Variants in VOPP1 observed in about 807,000 individuals in gnomAD.
VOPP1 encodes WW domain binding protein VOPP1.
Under a neutral mutation model 23.5 loss-of-function variants are expected in VOPP1, and 8 were observed. That is an observed-to-expected ratio of 0.34 (90% CI 0.20 to 0.61). The LOEUF (loss-of-function observed/expected upper bound fraction) is 0.61, where lower values mean the gene tolerates loss of function less well. VOPP1 is among the 20% of genes least tolerant of loss of function. The pLI is 0.78. For missense variants in VOPP1, 174 were observed against 238.1 expected (o/e 0.73, Z 1.77); for synonymous variants, 83 against 97.3 (o/e 0.85, Z 0.86).
chr7:55,528,385 C>A (rs564740498), intron 1 of VOPP1, among the ~76,000 whole-genome samples: 3 of 152,168 alleles, frequency 2.0e-5, no homozygotes, highest in Non-Finnish European at 4.4e-5. Context: ...TGTATGGAAC[C>A]TGTACATTTT....
chr7:55,572,105 G>A (rs918375216), intron 1 of VOPP1, among the ~76,000 whole-genome samples, 166 bp downstream of exon 1: 1 of 151,510 alleles, frequency 6.6e-6, no homozygotes. Flanking sequence ...CGTCACCAGG[G>A]TCCCGCACCT....
intron 1 of VOPP1, among the ~76,000 whole-genome samples, chr7:55,558,899 AAAG>A (rs1441154292): frequency 3.3e-5 from 5 of 152,330 alleles, no homozygotes; most frequent in African/African-American, 9.6e-5. Context: ...GCTAAAAACC[AAAG>A]AAGAAAGCAA....
chr7:55,555,161 G>C (rs1445444782), intron 1 of VOPP1, among the ~76,000 whole-genome samples: 1 of 152,192 alleles, frequency 6.6e-6, no homozygotes. Context: ...TCTGCCTGTA[G>C]AACTTGGAGA....
At chr7:55,444,115 C>T (rs1422209269) in intron 4 of VOPP1, among the ~76,000 whole-genome samples, 3 of 152,138 alleles carry the variant, frequency 2.0e-5, no homozygotes, top group African/African-American at 7.2e-5. Context: ...TAAGTGACAG[C>T]TGCCGTACCC....
At chr7:55,530,216 T>A (rs1796422421) in intron 1 of VOPP1, among the ~76,000 whole-genome samples, 1 of 152,136 alleles carries the variant, frequency 6.6e-6, no homozygotes, top group African/African-American at 2.4e-5. Context: ...CCATCAACAA[T>A]GTAAGAGGGC....
intron 4 of VOPP1, among the ~76,000 whole-genome samples, chr7:55,440,767 A>G (rs1430793479): frequency 6.6e-6 from 1 of 152,144 alleles, no homozygotes; most frequent in Non-Finnish European, 1.5e-5. Flanking sequence ...GCTGGGTTCG[A>G]GGACCAGAGA....
At chr7:55,559,052 A>G (rs1181737454) in intron 1 of VOPP1, among the ~76,000 whole-genome samples, 2 of 152,184 alleles carry the variant, frequency 1.3e-5, no homozygotes, top group African/African-American at 2.4e-5. Flanking sequence ...GCTATATATA[A>G]GTCACTAAGT....
chr7:55,482,088 A>G (rs1399091131), intron 4 of VOPP1, among the ~76,000 whole-genome samples: 1 of 152,096 alleles, frequency 6.6e-6, no homozygotes, highest in East Asian at 1.9e-4. Flanking sequence ...TTGTATCTTC[A>G]CCTTTTATAA....
At chr7:55,439,209 C>T (rs1790904492) in intron 4 of VOPP1, among the ~76,000 whole-genome samples, 2 of 152,010 alleles carry the variant, frequency 1.3e-5, no homozygotes, top group African/African-American at 4.8e-5. Flanking sequence ...GGAAGGGAGC[C>T]AGGACACAGC....
In VOPP1 at chr7:55,462,658, T is replaced by A. The variant is rs888564444; in HGVS notation, n.418-26484A>T. Among the ~76,000 whole-genome samples, 463 of 147,274 alleles carry A rather than the reference T, an allele frequency of 3.1e-3. 2 individuals are homozygous for A. The highest frequency in any genetic ancestry group is 0.015 in the South Asian group (72 of 4,666). ...TATTGTTGAAACTCTTGATTATATT[T>A]TTTTTTTTTTTTTTTGAGACGGAGT... On this transcript the variant is annotated intron_variant and non_coding_transcript_variant, in intron 4 of 4. Coordinates refer to the VOPP1 transcript ENST00000462326.
chr7:55,534,690 G>GC (rs1316677078), intron 1 of VOPP1, among the ~76,000 whole-genome samples: 2 of 152,178 alleles, frequency 1.3e-5, no homozygotes, highest in East Asian at 3.9e-4. Flanking sequence ...GCCATGCAGG[G>GC]CCCACTCTGA....
At chr7:55,443,766 T>C (rs1791027528) in intron 4 of VOPP1, among the ~76,000 whole-genome samples, 1 of 148,538 alleles carries the variant, frequency 6.7e-6, no homozygotes, top group Non-Finnish European at 1.5e-5. Context: ...TCCCTCAGCC[T>C]CCTGAGTAGC....
chr7:55,451,620 G>A (rs538920712), intron 4 of VOPP1, among the ~76,000 whole-genome samples: 9 of 152,190 alleles, frequency 5.9e-5, no homozygotes, highest in Middle Eastern at 3.4e-3. Context: ...TGAAACCCCC[G>A]TCTCTACTAA....
At chr7:55,436,617 AGTGTGTGTGTGTGC>A (rs1474459528) in intron 4 of VOPP1, among the ~76,000 whole-genome samples, 2 of 146,434 alleles carry the variant, frequency 1.4e-5, no homozygotes, top group Non-Finnish European at 3.0e-5. Context: ...TGTGTGCATG[AGTGTGTGTGTGTGC>A]GTGTGTGTGC....
At chr7:55,483,928 TG>T (rs1792932898) in intron 4 of VOPP1, among the ~76,000 whole-genome samples, 2 of 152,188 alleles carry the variant, frequency 1.3e-5, no homozygotes, top group African/African-American at 2.4e-5. Flanking sequence ...GGCTAATTTT[TG>T]TATTTTTAGT....
intron 1 of VOPP1, among the ~76,000 whole-genome samples, chr7:55,534,972 C>T (rs1227032153): frequency 6.6e-6 from 1 of 152,214 alleles, no homozygotes; most frequent in Non-Finnish European, 1.5e-5. Context: ...GGTGAGCTTG[C>T]TGATGGGAGA....
chr7:55,507,847 C>G (rs1794832559), intron 2 of VOPP1, among the ~76,000 whole-genome samples: 1 of 152,174 alleles, frequency 6.6e-6, no homozygotes, highest in South Asian at 2.1e-4. Context: ...ATGGCGAAGT[C>G]AAACATCTCT....
At chr7:55,443,940 G>A (rs567395591) in intron 4 of VOPP1, among the ~76,000 whole-genome samples, 2 of 152,274 alleles carry the variant, frequency 1.3e-5, no homozygotes, top group East Asian at 1.9e-4. Context: ...ACCATGCCTG[G>A]CCTATTGTAA....
intron 2 of VOPP1, among the ~76,000 whole-genome samples, chr7:55,499,005 C>T (rs1266663269): frequency 1.3e-5 from 2 of 152,136 alleles, no homozygotes; most frequent in East Asian, 1.9e-4. Flanking sequence ...CACTCCACCC[C>T]CACGCCATTC....
Sources: gnomAD v4.1 joint callset for allele counts (sites outside exome capture counted in the v4.1 genomes callset) on GRCh38, gnomAD v4.1.1 for gene constraint, MANE v1.5 for transcripts, NCBI Gene and HGNC (gene_info 2026-07-23, HGNC 2026-07-21) for gene names.